The following RASA1 variants were observed in gnomAD, a reference collection of about 807,000 sequenced individuals.
RASA1 encodes ras GTPase-activating protein 1.
A neutral mutation model predicts 132.2 loss-of-function variants in RASA1; 25 were observed. That is an observed-to-expected ratio of 0.19 (90% confidence interval 0.14 to 0.26). RASA1 has a LOEUF of 0.26. Among genes scored for constraint, RASA1 ranks in the 10% least tolerant of loss-of-function variants. The probability of loss-of-function intolerance (pLI) is 1.00; values close to 1 mark genes in which losing one functional copy is unlikely to be tolerated. For synonymous variants in RASA1, 477 were observed against 449.9 expected, an observed-to-expected ratio of 1.06 and a Z score of -0.76; for missense variants, 964 against 1,299.2, an observed-to-expected ratio of 0.74 and a Z score of 3.97.
intron 1 of RASA1, among the ~76,000 whole-genome samples, chr5:87,330,082 T>C (rs1757500883): frequency 6.6e-6 from 1 of 152,162 alleles, no homozygotes; most frequent in African/African-American, 2.4e-5. Context: ...ATTTTGTTTG[T>C]TAAGTCGTAA....
intron 1 of RASA1, among the ~76,000 whole-genome samples, chr5:87,303,960 A>G (rs1030075311): frequency 6.9e-6 from 1 of 145,810 alleles, no homozygotes; most frequent in African/African-American, 2.5e-5. Flanking sequence ...CAGCCTCCCA[A>G]GTAGCTGGGA....
At chr5:87,324,081 GT>G (rs1329619887) in intron 1 of RASA1, among the ~76,000 whole-genome samples, 2 of 152,176 alleles carry the variant, frequency 1.3e-5, no homozygotes, top group Non-Finnish European at 2.9e-5. Flanking sequence ...TTAGACTAAA[GT>G]TTACTTTTAA....
At chr5:87,303,896 C>T (rs1755492068) in intron 1 of RASA1, among the ~76,000 whole-genome samples, 1 of 148,050 alleles carries the variant, frequency 6.8e-6, no homozygotes, top group Non-Finnish European at 1.5e-5. Context: ...GCTGGAGGCG[C>T]GATCTCGGCT....
At chr5:87,287,500 C>T (rs1561257023) in intron 1 of RASA1, among the ~76,000 whole-genome samples, 1 of 139,618 alleles carries the variant, frequency 7.2e-6, no homozygotes, top group East Asian at 2.1e-4. Context: ...ATATATACAC[C>T]ATATATATAC....
rs1762522385 is a variant in RASA1, at chr5:87,391,572, G to C, written c.*689G>C. 8.5e-6 allele frequency: 2 copies of C among 235,190 alleles called. No individual in the cohort carries two copies. Among genetic ancestry groups the C allele is most frequent in the Non-Finnish European group, 1.7e-5 (2 of 119,184 alleles). 14.6% of individuals were successfully genotyped at this position (235,190 alleles called of 1,614,324 possible). A position where few individuals can be genotyped will look rare whatever the true frequency, so the allele number is the denominator to read the frequency against. On this transcript the variant is annotated 3_prime_UTR_variant, in exon 25 of 25. Coordinates refer to ENST00000274376, the MANE Select transcript of RASA1 (RefSeq NM_002890.3). ...AAAGACTGTATTTAGATCTCATAAT[G>C]CTTTGTTAAATGTTTACAAGTAAAT... is the stretch of plus-strand genomic sequence containing the variant.
chr5:87,343,480 A>G lies in RASA1; in HGVS notation c.1049+2159A>G, dbSNP rs1171771657. Among the ~76,000 whole-genome samples, 5 of 152,202 alleles carry G rather than the reference A, an allele frequency of 3.3e-5. No homozygotes were observed. In the East Asian group the frequency reaches 7.7e-4, roughly 23 times the overall value. On this transcript the variant is annotated intron_variant, in intron 6 of 24. Transcript: ENST00000274376. ...TATGAAAAAATGCTCACCATTCATT[A>G]CTAATCATCAGATAAATGCAAATCA...
chr5:87,373,042 G>T (rs2112482103), intron 13 of RASA1, among the ~76,000 whole-genome samples: 2 of 152,210 alleles, frequency 1.3e-5, no homozygotes, highest in Middle Eastern at 3.4e-3. Flanking sequence ...TCAAAAATCA[G>T]ATTGGATTTT....
intron 1 of RASA1, among the ~76,000 whole-genome samples, chr5:87,307,552 T>G (rs1314312284): frequency 6.6e-6 from 1 of 152,256 alleles, no homozygotes. Flanking sequence ...CAAATTTGAT[T>G]ACTTTTTAAA....
At chr5:87,306,044 T>G (rs1755594601) in intron 1 of RASA1, among the ~76,000 whole-genome samples, 1 of 152,192 alleles carries the variant, frequency 6.6e-6, no homozygotes, top group Non-Finnish European at 1.5e-5. Flanking sequence ...TCAACTGTTG[T>G]GGAAGACTGT....
chr5:87,315,485 G>A (rs768555736), intron 1 of RASA1, among the ~76,000 whole-genome samples: 1 of 152,178 alleles, frequency 6.6e-6, no homozygotes, highest in Non-Finnish European at 1.5e-5. Context: ...TACTGTCAAT[G>A]TATGAATTTG....
intron 13 of RASA1, among the ~76,000 whole-genome samples, chr5:87,373,544 G>C (rs1761103053): frequency 6.6e-6 from 1 of 152,008 alleles, no homozygotes; most frequent in African/African-American, 2.4e-5. Context: ...TTAGAAAGAT[G>C]AGGCTTAGAG....
chr5:87,279,961 C>T (rs1054535224), intron 1 of RASA1, among the ~76,000 whole-genome samples: 1 of 152,174 alleles, frequency 6.6e-6, no homozygotes, highest in East Asian at 1.9e-4. Flanking sequence ...GCCTGAGACC[C>T]CCAGGGAGGC....
intron 1 of RASA1, among the ~76,000 whole-genome samples, chr5:87,283,925 G>A (rs1754430759): frequency 6.6e-6 from 1 of 152,098 alleles, no homozygotes; most frequent in Non-Finnish European, 1.5e-5. Context: ...TCATGTACTT[G>A]CATGCATTCT....
chr5:87,383,376 T>G (rs937697858), intron 20 of RASA1, among the ~76,000 whole-genome samples: 4 of 152,180 alleles, frequency 2.6e-5, no homozygotes, highest in Non-Finnish European at 5.9e-5. Context: ...GATACTACTT[T>G]CTCTAAGTAT....
At chr5:87,269,334 A>C (rs1397828829) in intron 1 of RASA1, 18 of 1,528,334 alleles carry the variant, frequency 1.2e-5, no homozygotes, top group Non-Finnish European at 1.4e-5. Flanking sequence ...AGGCAGTCAT[A>C]GTGTATATTA....
At chr5:87,306,843 T>C (rs1042671077) in intron 1 of RASA1, among the ~76,000 whole-genome samples, 3 of 152,142 alleles carry the variant, frequency 2.0e-5, no homozygotes, top group African/African-American at 7.2e-5. Flanking sequence ...TGTACATGTA[T>C]GTCTGCGTAC....
intron 1 of RASA1, among the ~76,000 whole-genome samples, chr5:87,315,057 G>A (rs1041007357): frequency 2.0e-5 from 3 of 152,084 alleles, no homozygotes; most frequent in Admixed American, 6.6e-5. Context: ...AGTATAAAGA[G>A]TTTTATATTA....
At chr5:87,284,233 G>A (rs190294485) in intron 1 of RASA1, among the ~76,000 whole-genome samples, 1 of 152,260 alleles carries the variant, frequency 6.6e-6, no homozygotes, top group Admixed American at 6.5e-5. Flanking sequence ...CAATTGTAGT[G>A]TTTTAATTAA....
chr5:87,358,957 T>A (rs888078353), intron 9 of RASA1, among the ~76,000 whole-genome samples: 1 of 150,840 alleles, frequency 6.6e-6, no homozygotes, highest in South Asian at 2.1e-4. Flanking sequence ...AATGACACTT[T>A]ACCTAGACAC....
Sources: gnomAD v4.1 joint callset for allele counts (sites outside exome capture counted in the v4.1 genomes callset) on GRCh38, gnomAD v4.1.1 for gene constraint, MANE v1.5 for transcripts, NCBI Gene and HGNC (gene_info 2026-07-23, HGNC 2026-07-21) for gene names.